The following PIGL variants were observed in gnomAD, a reference collection of about 807,000 sequenced individuals.
PIGL encodes the protein N-acetylglucosaminyl-phosphatidylinositol de-N-acetylase.
A neutral mutation model predicts 31.1 loss-of-function variants in PIGL; 22 were observed. The observed-to-expected ratio is 0.71, with a 90% CI of 0.51 to 1.01. PIGL has a LOEUF of 1.01. Among genes scored for constraint, PIGL ranks in the 50% least tolerant of loss-of-function variants. The pLI, the probability that PIGL is intolerant of heterozygous loss-of-function variation, is 0.00. For missense variants in PIGL, 302 were observed against 315.9 expected (o/e 0.96, Z 0.33); for synonymous variants, 131 against 117.4 (o/e 1.12, Z -0.75).
intron 3 of PIGL, among the ~76,000 whole-genome samples, chr17:16,300,796 T>C (rs1306875110): frequency 6.6e-6 from 1 of 152,164 alleles, no homozygotes; most frequent in African/African-American, 2.4e-5. Context: ...TTTTTAAGCA[T>C]TGATTTCTTC....
intron 5 of PIGL, chr17:16,317,489 T>G: frequency 1.7e-6 from 2 of 1,150,422 alleles, no homozygotes; most frequent in Non-Finnish European, 2.2e-6. Flanking sequence ...CTTTACTTCC[T>G]TTGGCTTTGA....
intron 2 of PIGL, among the ~76,000 whole-genome samples, chr17:16,258,139 AAGAG>A (rs143387730): frequency 0.37 from 36,459 of 98,962 alleles, 8,427 homozygotes; most frequent in Middle Eastern, 0.51. Flanking sequence ...GAGAGAGAGA[AAGAG>A]AGAGAGAGAG....
chr17:16,276,068 A>G (rs892980082), intron 2 of PIGL, among the ~76,000 whole-genome samples: 1 of 152,182 alleles, frequency 6.6e-6, no homozygotes, highest in African/African-American at 2.4e-5. Context: ...GCCATTTATA[A>G]CTCTGACAAA....
At chr17:16,266,659 T>A (rs2092844593) in intron 2 of PIGL, among the ~76,000 whole-genome samples, 1 of 151,586 alleles carries the variant, frequency 6.6e-6, no homozygotes, top group Non-Finnish European at 1.5e-5. Context: ...GCAGTGGCGC[T>A]ATCTCGGCTC....
At chr17:16,259,419 A>G (rs1383871307) in intron 2 of PIGL, among the ~76,000 whole-genome samples, 2 of 152,034 alleles carry the variant, frequency 1.3e-5, no homozygotes, top group African/African-American at 2.4e-5. Flanking sequence ...AAAATAATGA[A>G]GTTGACTTTG....
intron 2 of PIGL, among the ~76,000 whole-genome samples, chr17:16,256,984 G>A (rs2092796622): frequency 6.6e-6 from 1 of 152,116 alleles, no homozygotes; most frequent in African/African-American, 2.4e-5. Flanking sequence ...CACCATGCCA[G>A]CCAGTCTCTT....
At chr17:16,225,251 C>T (rs1315339688) in intron 1 of PIGL, among the ~76,000 whole-genome samples, 1 of 152,022 alleles carries the variant, frequency 6.6e-6, no homozygotes, top group Non-Finnish European at 1.5e-5. Flanking sequence ...ATATATTAAA[C>T]ATTTATATCT....
chr17:16,306,542 T>C lies in PIGL; in HGVS notation c.426+6564T>C, dbSNP rs539814278. Among the ~76,000 whole-genome samples the C allele has an allele frequency of 5.4e-3, 801 of 149,644 alleles. 10 individuals are homozygous for C. Among genetic ancestry groups the C allele is most frequent in the African/African-American group, 0.018 (735 of 40,562 alleles). On this transcript the variant is annotated intron_variant, in intron 3 of 6. Coordinates refer to ENST00000225609, the MANE Select transcript of PIGL (RefSeq NM_004278.4). ...ACGATCTTTTTTTTTTTTTTTTTTT[T>C]CTTGAGATAGAGTTTCCCTCTTGTT...
At chr17:16,234,208 G>A (rs927295155) in intron 2 of PIGL, 138 bp downstream of exon 2, 6 of 566,356 alleles carry the variant, frequency 1.1e-5, no homozygotes, top group East Asian at 5.6e-5. Context: ...CATGGTTCAC[G>A]CTTGTAATCC....
At chr17:16,297,718 C>T (rs2092988540) in intron 2 of PIGL, among the ~76,000 whole-genome samples, 1 of 152,158 alleles carries the variant, frequency 6.6e-6, no homozygotes, top group Non-Finnish European at 1.5e-5. Flanking sequence ...TGATCCTGTC[C>T]CTCACCTGCT....
At chr17:16,322,212 G>T in intron 6 of PIGL, among the ~76,000 whole-genome samples, 1 of 152,032 alleles carries the variant, frequency 6.6e-6, no homozygotes, top group East Asian at 1.9e-4. Flanking sequence ...TCCTGTCTCA[G>T]TCTCCTGAGT....
chr17:16,310,904 C>T (rs2093046481), intron 3 of PIGL, among the ~76,000 whole-genome samples: 2 of 152,178 alleles, frequency 1.3e-5, no homozygotes, highest in African/African-American at 2.4e-5. Flanking sequence ...ACCCCAAGAA[C>T]AGCTCCACCA....
chr17:16,258,103 AAGAGAG>A (rs1229169258), intron 2 of PIGL, among the ~76,000 whole-genome samples: 3 of 65,702 alleles, frequency 4.6e-5, no homozygotes, highest in South Asian at 5.2e-4. Flanking sequence ...GAGAGAGAGA[AAGAGAG>A]AGAGAGAGAG....
intron 2 of PIGL, among the ~76,000 whole-genome samples, chr17:16,246,586 C>G (rs1275301855): frequency 1.3e-5 from 2 of 151,596 alleles, no homozygotes; most frequent in East Asian, 3.9e-4. Context: ...CTTGGGCTCC[C>G]TTAACAAAAT....
At chr17:16,313,397 C>A (rs2093063078) in intron 3 of PIGL, 150 bp from the exon 4 acceptor site, 1 of 672,070 alleles carries the variant, frequency 1.5e-6, no homozygotes, top group East Asian at 2.6e-5. Context: ...TAGCTACACA[C>A]CACTGATCTG....
intron 2 of PIGL, among the ~76,000 whole-genome samples, chr17:16,249,661 A>G (rs535339878): frequency 1.6e-4 from 25 of 152,342 alleles, no homozygotes; most frequent in Non-Finnish European, 2.9e-4. Context: ...GGCCACTGGT[A>G]TAAGCCCTAG....
chr17:16,270,142 A>C (rs1454286360), intron 2 of PIGL, among the ~76,000 whole-genome samples: 3 of 152,056 alleles, frequency 2.0e-5, no homozygotes, highest in Non-Finnish European at 4.4e-5. Context: ...ACAAAAAATT[A>C]GCTGGGCATG....
intron 2 of PIGL, among the ~76,000 whole-genome samples, chr17:16,290,566 A>T (rs1204883697): frequency 1.3e-5 from 2 of 151,154 alleles, no homozygotes; most frequent in Non-Finnish European, 2.9e-5. Context: ...CTAATTTTTT[A>T]AATTTATTTT....
At chr17:16,304,668 G>T (rs190858318) in intron 3 of PIGL, among the ~76,000 whole-genome samples, 1 of 152,092 alleles carries the variant, frequency 6.6e-6, no homozygotes, top group East Asian at 1.9e-4. Context: ...GCAGCCTAGG[G>T]GGGTAGTAGT....
Sources: allele counts gnomAD v4.1 joint callset (sites outside exome capture counted in the v4.1 genomes callset), GRCh38; gene constraint gnomAD v4.1.1; transcripts MANE v1.5; gene names NCBI Gene and HGNC (gene_info 2026-07-23, HGNC 2026-07-21).